Variants in LRRTM4 observed in about 807,000 individuals in gnomAD.
The protein encoded by LRRTM4 is leucine-rich repeat transmembrane neuronal protein 4.
Under a neutral mutation model 47.6 loss-of-function variants are expected in LRRTM4, and 25 were observed. That is an observed-to-expected ratio of 0.53 (90% CI 0.38 to 0.73). The LOEUF (loss-of-function observed/expected upper bound fraction) is 0.73. Ranked by LOEUF, LRRTM4 falls within the 30% of genes least tolerant of loss-of-function variation. The pLI is 0.00. For missense variants in LRRTM4, 638 were observed against 713.4 expected (o/e 0.89, Z 1.20); for synonymous variants, 311 against 269.5 (o/e 1.15, Z -1.51).
chr2:77,272,522 A>C (rs567353752), intron 3 of LRRTM4, among the ~76,000 whole-genome samples: 1 of 152,314 alleles, frequency 6.6e-6, no homozygotes, highest in East Asian at 1.9e-4. Context: ...TTTCTTGACC[A>C]TTAAAACAAA....
At chr2:77,495,624 A>G (rs1678332807) in intron 3 of LRRTM4, among the ~76,000 whole-genome samples, 1 of 152,000 alleles carries the variant, frequency 6.6e-6, no homozygotes, top group African/African-American at 2.4e-5. Flanking sequence ...GGCAAACATC[A>G]TTTGTTGAAA....
At chr2:77,424,493 C>A (rs1410635182) in intron 3 of LRRTM4, among the ~76,000 whole-genome samples, 1 of 152,116 alleles carries the variant, frequency 6.6e-6, no homozygotes, top group Non-Finnish European at 1.5e-5. Flanking sequence ...TAATAATAGA[C>A]ATGAAGTATC....
At chr2:76,901,228 T>C (rs1335838643) in intron 3 of LRRTM4, among the ~76,000 whole-genome samples, 2 of 151,928 alleles carry the variant, frequency 1.3e-5, no homozygotes, top group East Asian at 3.9e-4. Flanking sequence ...CAGGCCCCAG[T>C]GTGTGTTGTT....
chr2:76,814,512 ATAAAT>A (rs1353824268), intron 3 of LRRTM4, among the ~76,000 whole-genome samples: 1 of 152,166 alleles, frequency 6.6e-6, no homozygotes, highest in Non-Finnish European at 1.5e-5. Flanking sequence ...TATTAAAAAA[ATAAAT>A]TAATTAAAAG....
intron 3 of LRRTM4, among the ~76,000 whole-genome samples, chr2:77,482,369 TA>T (rs572184824): frequency 6.6e-6 from 1 of 151,756 alleles, no homozygotes; most frequent in Non-Finnish European, 1.5e-5. Context: ...GGCAGAGAAA[TA>T]AAAAAAGAAA....
At chr2:77,280,268 C>T (rs2104097662) in intron 3 of LRRTM4, among the ~76,000 whole-genome samples, 1 of 152,052 alleles carries the variant, frequency 6.6e-6, no homozygotes, top group Non-Finnish European at 1.5e-5. Context: ...ATCAGATTGT[C>T]CCCTAGAGCC....
intron 3 of LRRTM4, among the ~76,000 whole-genome samples, chr2:77,428,283 G>A (rs1463663712): frequency 6.6e-6 from 1 of 152,076 alleles, no homozygotes; most frequent in African/African-American, 2.4e-5. Flanking sequence ...ACCAACTACA[G>A]ACATTAAAAA....
chr2:76,968,817 T>C (rs1387626425), intron 3 of LRRTM4, among the ~76,000 whole-genome samples: 1 of 151,882 alleles, frequency 6.6e-6, no homozygotes, highest in African/African-American at 2.4e-5. Flanking sequence ...CAGCAAAGCA[T>C]TTAAAGTGGA....
chr2:77,085,787 GCTT>G (rs1253003670), intron 3 of LRRTM4, among the ~76,000 whole-genome samples: 9 of 152,018 alleles, frequency 5.9e-5, no homozygotes, highest in East Asian at 1.9e-4. Context: ...GCTTAATATG[GCTT>G]CTTATCACAA....
In LRRTM4 at chr2:76,786,755, GA is replaced by G. The variant is rs75795818; in HGVS notation, c.1552-37840del. On this transcript the variant is annotated intron_variant, in intron 3 of 3. Coordinates refer to ENST00000409884, the MANE Select transcript of LRRTM4 (RefSeq NM_001134745.3). The stretch of plus-strand genomic sequence containing the variant: ...TGTGTCAACAAGTTAGAAGATTGCA[GA>G]AAAAAAAAATGCATCATTTTCTTGG... Among the ~76,000 whole-genome samples, 1,023 of 146,762 alleles carry G rather than the reference GA, an allele frequency of 7.0e-3. 18 individuals are homozygous for G. Among genetic ancestry groups the G allele is most frequent in the Admixed American group, 0.021 (312 of 14,752 alleles).
intron 3 of LRRTM4, among the ~76,000 whole-genome samples, chr2:77,041,475 A>C (rs2104177143): frequency 6.6e-6 from 1 of 151,492 alleles, no homozygotes; most frequent in South Asian, 2.1e-4. Context: ...TTGAAATTTT[A>C]AGGAACCTCT....
intron 3 of LRRTM4, among the ~76,000 whole-genome samples, chr2:77,121,902 T>A (rs974808575): frequency 6.6e-6 from 1 of 151,868 alleles, no homozygotes; most frequent in Non-Finnish European, 1.5e-5. Flanking sequence ...TAAATCTGAT[T>A]TAAATTAATG....
At chr2:77,115,194 G>A (rs986447426) in intron 3 of LRRTM4, among the ~76,000 whole-genome samples, 2 of 152,108 alleles carry the variant, frequency 1.3e-5, no homozygotes, top group Non-Finnish European at 2.9e-5. Flanking sequence ...TTGCATGTCC[G>A]TTTATAGGTT....
At chr2:77,064,868 C>T (rs1679903570) in intron 3 of LRRTM4, among the ~76,000 whole-genome samples, 1 of 152,062 alleles carries the variant, frequency 6.6e-6, no homozygotes, top group South Asian at 2.1e-4. Context: ...ACAGACTTAA[C>T]CTACCCTTGA....
chr2:76,749,071 C>T (rs1276364124), intron 3 of LRRTM4, among the ~76,000 whole-genome samples, 155 bp from the exon 4 acceptor site: 1 of 152,172 alleles, frequency 6.6e-6, no homozygotes, highest in Non-Finnish European at 1.5e-5. Context: ...ATGATGATTA[C>T]TATTTAACTC....
chr2:77,045,226 A>C (rs1235071600), intron 3 of LRRTM4, among the ~76,000 whole-genome samples: 1 of 151,934 alleles, frequency 6.6e-6, no homozygotes, highest in Non-Finnish European at 1.5e-5. Context: ...TGTTTGTTAC[A>C]AAACTTTTCA....
chr2:76,951,137 G>A (rs1003742545), intron 3 of LRRTM4, among the ~76,000 whole-genome samples: 1 of 151,852 alleles, frequency 6.6e-6, no homozygotes, highest in African/African-American at 2.4e-5. Flanking sequence ...AATAATAGTT[G>A]GAAAAAATTA....
At position 77,150,021 on chromosome 2, in the gene LRRTM4, A is replaced by G. The variant is rs564724504; in HGVS notation, c.1551+368297T>C. Among the ~76,000 whole-genome samples, 30 of 152,306 alleles carry G rather than the reference A, an allele frequency of 2.0e-4. No homozygotes were observed. In the South Asian group the frequency reaches 5.8e-3, roughly 29 times the overall value. ...GTACTTATTCCTCATTAATTTGTAC[A>G]TGACTACTGTTTCTAGCTGACTCTT... On this transcript the variant is annotated intron_variant, in intron 3 of 3. Transcript: ENST00000409884.
intron 3 of LRRTM4, among the ~76,000 whole-genome samples, chr2:77,088,006 G>T (rs1030487127): frequency 2.0e-5 from 3 of 152,148 alleles, no homozygotes; most frequent in Admixed American, 2.0e-4. Context: ...AATGAAAAGG[G>T]AAATAAAGCA....
Sources: gnomAD v4.1 joint callset for allele counts (sites outside exome capture counted in the v4.1 genomes callset) on GRCh38, gnomAD v4.1.1 for gene constraint, MANE v1.5 for transcripts, NCBI Gene and HGNC (gene_info 2026-07-23, HGNC 2026-07-21) for gene names.